SPATS2: variants seen among roughly 807,000 people sequenced by gnomAD.
The protein encoded by SPATS2 is spermatogenesis-associated serine-rich protein 2.
A neutral mutation model predicts 63.7 loss-of-function variants in SPATS2; 38 were observed. The observed-to-expected ratio is 0.60, with a 90% CI of 0.46 to 0.78. The LOEUF (loss-of-function observed/expected upper bound fraction) is 0.78, where lower values mean the gene tolerates loss of function less well. SPATS2 is among the 30% of genes least tolerant of loss of function. The pLI is 0.00. For missense variants in SPATS2, 588 were observed against 666.2 expected, an observed-to-expected ratio of 0.88 and a Z score of 1.29; for synonymous variants, 207 against 232.9, an observed-to-expected ratio of 0.89 and a Z score of 1.01.
chr12:49,435,049 T>C (rs112854990), intron 2 of SPATS2, among the ~76,000 whole-genome samples: 11,535 of 138,222 alleles, frequency 0.083, 596 homozygotes, highest in African/African-American at 0.13. Flanking sequence ...TTTTTTGAGA[T>C]GGAGTCTTGC....
At chr12:49,502,208 T>G (rs1946577863) in intron 9 of SPATS2, among the ~76,000 whole-genome samples, 1 of 152,194 alleles carries the variant, frequency 6.6e-6, no homozygotes, top group East Asian at 1.9e-4. Flanking sequence ...AAATTTAGTC[T>G]AGTCACTTTT....
At chr12:49,389,940 A>G (rs1944391047) in intron 2 of SPATS2, 2 of 805,908 alleles carry the variant, frequency 2.5e-6, no homozygotes, top group East Asian at 2.4e-5. Context: ...GACCAGATAA[A>G]TGAAATATGG....
chr12:49,498,141 A>ATATATATAT (rs1555191148), intron 8 of SPATS2, among the ~76,000 whole-genome samples: 8 of 74,356 alleles, frequency 1.1e-4, no homozygotes, highest in African/African-American at 6.3e-4. Flanking sequence ...CCAAAAAAAA[A>ATATATATAT]AAAAATATAT....
intron 2 of SPATS2, chr12:49,406,672 A>G (rs767364435): frequency 6.6e-6 from 1 of 151,970 alleles, no homozygotes; most frequent in Non-Finnish European, 1.5e-5. Context: ...CCCCTATTTT[A>G]AATTTGCTAC....
chr12:49,500,353 T>G (rs974820743), intron 9 of SPATS2, 148 bp downstream of exon 9: 57 of 892,850 alleles, frequency 6.4e-5, no homozygotes, highest in Non-Finnish European at 8.1e-5. Context: ...AGCTTTCTGC[T>G]TTGTTCTATT....
At chr12:49,520,380 A>T (rs1946920374) in intron 11 of SPATS2, among the ~76,000 whole-genome samples, 1 of 152,070 alleles carries the variant, frequency 6.6e-6, no homozygotes, top group Non-Finnish European at 1.5e-5. Context: ...GGCCTCTCAA[A>T]GTGCTGGGAT....
chr12:49,504,770 C>CTTTCTTTTTT (rs1220484266), intron 9 of SPATS2, among the ~76,000 whole-genome samples: 2 of 98,860 alleles, frequency 2.0e-5, no homozygotes, highest in African/African-American at 3.8e-5. Context: ...TTCTTTCTTT[C>CTTTCTTTTTT]TTTTTTTTTT....
intron 2 of SPATS2, among the ~76,000 whole-genome samples, chr12:49,393,687 G>T (rs1486796375): frequency 3.3e-5 from 5 of 152,078 alleles, no homozygotes. Flanking sequence ...TGTTCATATT[G>T]TGTCATCTTA....
chr12:49,491,143 C>CA (rs1208429592), intron 6 of SPATS2: 1,722 of 110,986 alleles, frequency 0.016, 15 homozygotes, highest in East Asian at 0.064. Context: ...GACTCCATCT[C>CA]AAAAAAAAAA....
chr12:49,472,234 T>C (rs1455187719), intron 3 of SPATS2, among the ~76,000 whole-genome samples: 1 of 152,086 alleles, frequency 6.6e-6, no homozygotes, highest in Admixed American at 6.6e-5. Context: ...ATAACTCAGG[T>C]TCAATAATTA....
chr12:49,433,712 T>C (rs1184959542), intron 2 of SPATS2, among the ~76,000 whole-genome samples: 10 of 152,196 alleles, frequency 6.6e-5, no homozygotes, highest in Non-Finnish European at 1.0e-4. Context: ...ATAATAGATA[T>C]ATGACTTGCA....
intron 2 of SPATS2, among the ~76,000 whole-genome samples, chr12:49,374,777 A>G (rs182284502): frequency 4.1e-3 from 627 of 152,156 alleles, no homozygotes; most frequent in Non-Finnish European, 6.3e-3. Flanking sequence ...TCTGGCCAAC[A>G]TGGCGAAACC....
rs1555180281 is a variant in SPATS2 at position 49,403,642 on chromosome 12, A to ACACACAC, written c.-244+32352_-244+32353insCACACAC. Among the ~76,000 whole-genome samples the ACACACAC allele has an allele frequency of 1.0e-3, 119 of 118,070 alleles. 1 individual carries two copies. The highest frequency in any genetic ancestry group is 3.5e-3 in the African/African-American group (111 of 31,962). The allele number at this position is 118,070 out of a possible 152,430, so 77.5% of individuals were successfully genotyped here. ...ACACACACACACACACACACACACA[A>ACACACAC]ACAAAACTGGAATTCTCTGTTATGG... On this transcript the variant is annotated intron_variant, in intron 2 of 13. Coordinates refer to ENST00000552918, the MANE Select transcript of SPATS2 (RefSeq NM_023071.4).
intron 2 of SPATS2, among the ~76,000 whole-genome samples, chr12:49,388,729 C>CT: frequency 6.6e-6 from 1 of 150,416 alleles, no homozygotes; most frequent in Non-Finnish European, 1.5e-5. Flanking sequence ...AGGTCACACT[C>CT]TCTTGCCCAG....
At chr12:49,477,923 G>A (rs1946144664) in intron 3 of SPATS2, among the ~76,000 whole-genome samples, 1 of 141,924 alleles carries the variant, frequency 7.0e-6, no homozygotes, top group African/African-American at 2.6e-5. Flanking sequence ...GGAAATTAAA[G>A]TTAGTGGCAT....
Position 49,507,032 on chromosome 12 carries a change from C to T in SPATS2, c.839+6827C>T, listed in dbSNP as rs112394563. ...AGGATGAGAAGCACCAGGATTTAGG[C>T]TGAGCCTATGAAAGTATTTTCTAAG... On this transcript the variant is annotated intron_variant, in intron 9 of 13. Transcript: ENST00000552918. Among the ~76,000 whole-genome samples, 1,449 of 152,182 alleles carry T rather than the reference C, an allele frequency of 9.5e-3. 13 individuals carry two copies. The highest frequency in any genetic ancestry group is 0.017 in the Middle Eastern group (5 of 294).
chr12:49,456,855 T>TC (rs1258306124), intron 2 of SPATS2, among the ~76,000 whole-genome samples: 4 of 152,250 alleles, frequency 2.6e-5, no homozygotes, highest in Non-Finnish European at 4.4e-5. Flanking sequence ...TTGTATTGAT[T>TC]CCAGTTATTC....
intron 1 of SPATS2, among the ~76,000 whole-genome samples, chr12:49,368,108 A>G (rs1320605531): frequency 6.6e-6 from 1 of 152,176 alleles, no homozygotes; most frequent in African/African-American, 2.4e-5. Context: ...GAGACATAAA[A>G]TAGATGTGGT....
chr12:49,429,683 T>C (rs1945144503), intron 2 of SPATS2, among the ~76,000 whole-genome samples: 1 of 152,032 alleles, frequency 6.6e-6, no homozygotes. Flanking sequence ...CTTGAACTCC[T>C]GACCTCAAGT....
Sources: allele counts gnomAD v4.1 joint callset (sites outside exome capture counted in the v4.1 genomes callset), GRCh38; gene constraint gnomAD v4.1.1; transcripts MANE v1.5; gene names NCBI Gene and HGNC (gene_info 2026-07-23, HGNC 2026-07-21).